The following PIAS2 variants were observed in gnomAD, a reference collection of about 807,000 sequenced individuals.
PIAS2 encodes E3 SUMO-protein ligase PIAS2.
PIAS2 carries 19 observed loss-of-function variants against 69.7 expected under a neutral mutation model. That is an observed-to-expected ratio of 0.27 (90% CI 0.19 to 0.40). PIAS2 has a LOEUF of 0.40. PIAS2 is among the 10% of genes least tolerant of loss of function. PIAS2 has a pLI of 1.00. For missense variants in PIAS2, 624 were observed against 757.0 expected (o/e 0.82, Z 2.06); for synonymous variants, 261 against 263.2 (o/e 0.99, Z 0.08).
chr18:46,914,554 A>G (rs2057598835), intron 1 of PIAS2, among the ~76,000 whole-genome samples: 1 of 143,350 alleles, frequency 7.0e-6, no homozygotes, highest in Admixed American at 7.1e-5. Context: ...CGAATAACCA[A>G]CCCTCCCCCC....
rs762408603 is a variant in PIAS2 at position 46,828,084 on chromosome 18, C to G, written c.1383G>C (p.Glu461Asp). 2 of 1,613,574 alleles carry G rather than the reference C, an allele frequency of 1.2e-6. No homozygotes were observed. Among genetic ancestry groups the G allele is most frequent in the Non-Finnish European group, 1.7e-6 (2 of 1,179,804 alleles). The change falls in exon 11 of 14, where the codon GAG (glutamate) becomes GAC (aspartate). Residue 461 changes from glutamate (E) to aspartate (D), a missense_variant. By Grantham distance (45) the Glu-to-Asp change is conservative (BLOSUM62 2). Transcript: ENST00000585916. Reference sequence around the variant, plus strand: ...TAACATCTACTTTCTTCTTGCTTGCCTCACTGGCTACAGTCACTGAACAAG... The same window carrying G: ...TAACATCTACTTTCTTCTTGCTTGCGTCACTGGCTACAGTCACTGAACAAG... ...SKPCSVTVAS[E>D]ASKKKVDVID...
In PIAS2 at chr18:46,870,644, A is replaced by G. The variant is rs1018072880; in HGVS notation, c.500-6396T>C. ...AAAAAAAAAAAAAAAAAAAAAAAAA[A>G]GGAACTCGAGTCATTATTAGATGAC... On this transcript the variant is annotated intron_variant, in intron 2 of 13. Coordinates refer to ENST00000585916, the MANE Select transcript of PIAS2 (RefSeq NM_004671.5). 1.8e-4 allele frequency among the ~76,000 whole-genome samples: 26 copies of G among 148,244 alleles called. 1 individual carries two copies. Among genetic ancestry groups the G allele is most frequent in the Non-Finnish European group, 3.0e-5 (2 of 67,070 alleles).
At chr18:46,877,462 C>T (rs573497189) in intron 2 of PIAS2, among the ~76,000 whole-genome samples, 7 of 152,160 alleles carry the variant, frequency 4.6e-5, no homozygotes, top group African/African-American at 1.2e-4. Context: ...ATTTGGAAAG[C>T]GTCCTCTTCA....
intron 2 of PIAS2, among the ~76,000 whole-genome samples, chr18:46,877,258 G>T (rs111947715): frequency 6.6e-6 from 1 of 152,124 alleles, no homozygotes; most frequent in Non-Finnish European, 1.5e-5. Flanking sequence ...TGTTAAAAAC[G>T]TTTGAAGAGG....
intron 12 of PIAS2, chr18:46,815,858 C>G (rs1280550360): frequency 1.0e-6 from 1 of 985,756 alleles, no homozygotes; most frequent in Non-Finnish European, 1.2e-6. Context: ...ACGCTCTGCA[C>G]AAAGCACACA....
At chr18:46,818,825 C>T (rs2041855603) in intron 12 of PIAS2, among the ~76,000 whole-genome samples, 1 of 152,078 alleles carries the variant, frequency 6.6e-6, no homozygotes, top group Non-Finnish European at 1.5e-5. Context: ...ATCACCATAA[C>T]TGTTAATACT....
At chr18:46,878,923 CA>C in intron 2 of PIAS2, among the ~76,000 whole-genome samples, 1 of 152,310 alleles carries the variant, frequency 6.6e-6, no homozygotes, top group South Asian at 2.1e-4. Context: ...CCAAGGTTAA[CA>C]GGGGCTCATA....
intron 2 of PIAS2, among the ~76,000 whole-genome samples, chr18:46,889,226 TAAAC>T (rs2053677522): frequency 6.6e-6 from 1 of 151,920 alleles, no homozygotes; most frequent in Non-Finnish European, 1.5e-5. Flanking sequence ...CAACAAAAAA[TAAAC>T]AAATTGGAAT....
chr18:46,903,722 G>A (rs1036373908), intron 1 of PIAS2: 11 of 152,080 alleles, frequency 7.2e-5, no homozygotes, highest in South Asian at 2.1e-4. Flanking sequence ...ATTTATCTCC[G>A]AGAAAGATGT....
chr18:46,917,201 G>A (rs1466830135), intron 1 of PIAS2, 121 bp downstream of exon 1: 13 of 1,280,970 alleles, frequency 1.0e-5, no homozygotes, highest in Non-Finnish European at 1.3e-5. Flanking sequence ...CGCGGGCCGG[G>A]GCTCAGGGCT....
At chr18:46,818,526 T>C in intron 12 of PIAS2, 2 of 1,223,566 alleles carry the variant, frequency 1.6e-6, no homozygotes, top group South Asian at 4.8e-5. Flanking sequence ...TATCTCTCCA[T>C]TCTTGGTGTT....
chr18:46,815,949 A>G, intron 12 of PIAS2: 1 of 985,414 alleles, frequency 1.0e-6, no homozygotes, highest in Non-Finnish European at 1.2e-6. Context: ...AGAGAACTGT[A>G]ATTGTCCAAT....
chr18:46,818,540 T>G, intron 12 of PIAS2: 2 of 1,065,706 alleles, frequency 1.9e-6, no homozygotes. Context: ...TGGTGTTCTA[T>G]TTAATATTTT....
chr18:46,838,302 A>G, intron 8 of PIAS2, among the ~76,000 whole-genome samples: 1 of 152,226 alleles, frequency 6.6e-6, no homozygotes, highest in East Asian at 1.9e-4. Context: ...TTACATAACA[A>G]TTATACTAAA....
At chr18:46,823,115 G>A (rs2042367266) in intron 11 of PIAS2, among the ~76,000 whole-genome samples, 1 of 150,572 alleles carries the variant, frequency 6.6e-6, no homozygotes. Context: ...TATGCCTAAG[G>A]TCCTAGCTAC....
intron 1 of PIAS2, among the ~76,000 whole-genome samples, chr18:46,909,719 T>C (rs2057041785): frequency 6.6e-6 from 1 of 152,248 alleles, no homozygotes; most frequent in African/African-American, 2.4e-5. Context: ...CCAGCAATTC[T>C]ATTCCTAGAA....
intron 1 of PIAS2, among the ~76,000 whole-genome samples, chr18:46,916,359 T>C (rs2057889809): frequency 6.6e-6 from 1 of 151,544 alleles, no homozygotes; most frequent in African/African-American, 2.4e-5. Flanking sequence ...CGAGTTGCAG[T>C]AAATGTAATT....
At chr18:46,888,546 C>T (rs1026256318) in intron 2 of PIAS2, among the ~76,000 whole-genome samples, 5 of 152,040 alleles carry the variant, frequency 3.3e-5, no homozygotes, top group Non-Finnish European at 7.4e-5. Flanking sequence ...AGACAGACAT[C>T]TAGACCAATG....
chr18:46,818,425 AAT>A lies in PIAS2; in HGVS notation c.1648+2506_1648+2507del, dbSNP rs778712077. The A allele has an allele frequency of 1.3e-3, 2,130 of 1,580,922 alleles. 1 individual carries two copies. The highest frequency in any genetic ancestry group is 1.7e-3 in the Non-Finnish European group (1,920 of 1,162,498). ...ATGTTCCAAGCTTCAGTTCATTATTAATATCATTTCTTCTTTGTTCTCCTGCA... is the reference window on the plus strand; with the variant it reads ...ATGTTCCAAGCTTCAGTTCATTATTAATCATTTCTTCTTTGTTCTCCTGCA... On this transcript the variant is annotated intron_variant, in intron 12 of 13. Transcript: ENST00000585916.
Sources: allele counts gnomAD v4.1 joint callset (sites outside exome capture counted in the v4.1 genomes callset), GRCh38; gene constraint gnomAD v4.1.1; transcripts MANE v1.5; gene names NCBI Gene and HGNC (gene_info 2026-07-23, HGNC 2026-07-21).